ASB11: variants seen among roughly 807,000 people sequenced by gnomAD.
ASB11 encodes ankyrin repeat and SOCS box containing 11.
ASB11 carries 17 observed loss-of-function variants against 20.1 expected under a neutral mutation model. The observed-to-expected ratio is 0.85, with a 90% CI of 0.58 to 1.27. ASB11 has a LOEUF of 1.27. Among genes scored for constraint, ASB11 ranks in the 50% most tolerant of loss-of-function variants. The probability of loss-of-function intolerance (pLI) is 0.00; values close to 1 mark genes in which losing one functional copy is unlikely to be tolerated. For synonymous variants in ASB11, 107 were observed against 105.6 expected (o/e 1.01, Z -0.08); for missense variants, 259 against 256.9 (o/e 1.01, Z -0.06).
chrX:15,304,800 G>A (rs1227200264), intron 1 of ASB11, among the ~76,000 whole-genome samples: 5 of 111,715 alleles, frequency 4.5e-5, no homozygotes, highest in South Asian at 3.7e-4. Flanking sequence ...GCTTGAACCC[G>A]GGAGGCAGAG....
intron 4 of ASB11, among the ~76,000 whole-genome samples, chrX:15,290,652 T>C (rs764932377): frequency 3.5e-4 from 39 of 111,581 alleles, no homozygotes; most frequent in African/African-American, 1.2e-3. Flanking sequence ...TTGCAAAGAG[T>C]TAGTTCTCTT....
At chrX:15,311,727 A>G (rs779968694) in intron 1 of ASB11, among the ~76,000 whole-genome samples, 1 of 111,230 alleles carries the variant, frequency 9.0e-6, no homozygotes, top group Admixed American at 9.6e-5. Flanking sequence ...AGTTCCTCCA[A>G]TTCTGAAAAC....
At chrX:15,298,586 T>C (rs1920991121) in intron 2 of ASB11, among the ~76,000 whole-genome samples, 1 of 111,372 alleles carries the variant, frequency 9.0e-6, no homozygotes, top group Middle Eastern at 4.6e-3. Flanking sequence ...AGAAGCTTAC[T>C]GGTAGCAGCA....
chrX:15,286,006 AAAT>A (rs764406635), intron 6 of ASB11, among the ~76,000 whole-genome samples: 1 of 109,173 alleles, frequency 9.2e-6, no homozygotes. Flanking sequence ...ACTCCGTCTA[AAAT>A]AATAATAATA....
intron 1 of ASB11, among the ~76,000 whole-genome samples, chrX:15,310,033 C>G (rs1235140546): frequency 9.5e-6 from 1 of 104,816 alleles, no homozygotes; most frequent in African/African-American, 3.5e-5. Flanking sequence ...CGAAGTAACT[C>G]TCAAGAAAGT....
In ASB11 at chrX:15,282,942, A is replaced by G. The variant is rs1927222360; in HGVS notation, c.*563T>C. ...ATATTAAGGACTTTGAAAACATTAA[A>G]TATATGAGTGCATGTGTGTGTGTGT... On this transcript the variant is annotated 3_prime_UTR_variant, in exon 7 of 7. Transcript: ENST00000480796. 1 of 105,195 alleles carries G rather than the reference A, an allele frequency of 9.5e-6. No individual in the cohort carries two copies. The highest frequency in any genetic ancestry group is 1.9e-5 in the Non-Finnish European group (1 of 51,894). 8.7% of individuals were successfully genotyped at this position (105,195 alleles called of 1,213,427 possible). A position where few individuals can be genotyped will look rare whatever the true frequency, so the allele number is the denominator to read the frequency against.
intron 1 of ASB11, chrX:15,314,258 C>A: frequency 9.9e-7 from 1 of 1,011,123 alleles, no homozygotes; most frequent in Non-Finnish European, 1.3e-6. Context: ...AAGCCCTTGC[C>A]CAAATTGACA....
rs985711943 is a variant in ASB11 at position 15,281,991 on chromosome X, C to T, written c.*1514G>A. The T allele has an allele frequency of 2.7e-5, 3 of 111,928 alleles. No homozygotes were observed. The highest frequency in any genetic ancestry group is 2.8e-4 in the East Asian group (1 of 3,583). The allele number at this position is 111,928 out of a possible 1,213,427, so 9.2% of individuals were successfully genotyped here. On this transcript the variant is annotated 3_prime_UTR_variant, in exon 7 of 7. Coordinates refer to ENST00000480796, the MANE Select transcript of ASB11 (RefSeq NM_080873.3). The stretch of plus-strand genomic sequence containing the variant: ...GATTACAGGCGTGAGCCACCATGCC[C>T]GGCCAGATCTGATAATTCTTTGTTG...
At chrX:15,286,932 A>ACAC (rs1197361648) in intron 6 of ASB11, among the ~76,000 whole-genome samples, 1 of 112,025 alleles carries the variant, frequency 8.9e-6, no homozygotes, top group East Asian at 2.8e-4. Context: ...TTCTTCAGGC[A>ACAC]CACAAATAAT....
chrX:15,289,323 A>G (rs1029813721), intron 5 of ASB11, among the ~76,000 whole-genome samples, 181 bp downstream of exon 5: 12 of 112,756 alleles, frequency 1.1e-4, no homozygotes, highest in Admixed American at 4.7e-4. Flanking sequence ...TGGAGTTAAC[A>G]TCAAAGGAAG....
chrX:15,297,979 A>G (rs181698059), intron 2 of ASB11, among the ~76,000 whole-genome samples: 25 of 112,758 alleles, frequency 2.2e-4, no homozygotes, highest in African/African-American at 7.1e-4. Context: ...TAAAGACAGC[A>G]TGACAGCCTC....
intron 6 of ASB11, among the ~76,000 whole-genome samples, chrX:15,284,267 A>AGAAAG (rs1330369370): frequency 2.3e-5 from 2 of 88,864 alleles, no homozygotes; most frequent in Admixed American, 1.3e-4. Flanking sequence ...AAAAAAAAAA[A>AGAAAG]AAAGAAAGAA....
intron 1 of ASB11, among the ~76,000 whole-genome samples, chrX:15,313,040 G>GA (rs201248205): frequency 0.025 from 2,795 of 111,245 alleles, 78 homozygotes; most frequent in African/African-American, 0.081. Flanking sequence ...GGTATCAAAA[G>GA]AAAAACACAG....
chrX:15,284,164 A>G (rs1405140767), intron 6 of ASB11, among the ~76,000 whole-genome samples: 2 of 104,325 alleles, frequency 1.9e-5, no homozygotes, highest in African/African-American at 7.2e-5. Context: ...AGGCAGGAGA[A>G]TGGCGTGAAC....
chrX:15,299,971 G>A (rs971175904), intron 2 of ASB11, among the ~76,000 whole-genome samples: 1 of 111,743 alleles, frequency 8.9e-6, no homozygotes, highest in African/African-American at 3.3e-5. Flanking sequence ...TTCATCATAA[G>A]GCCTCTTTTT....
Position 15,282,978 on chromosome X carries a change from G to A in ASB11, c.*527C>T, listed in dbSNP as rs755326107. On this transcript the variant is annotated 3_prime_UTR_variant, in exon 7 of 7. Coordinates refer to ENST00000480796, the MANE Select transcript of ASB11 (RefSeq NM_080873.3). ...CATGTGTGTGTGTGTATATATATAC[G>A]TATATATATATACGTATATGTATGT... 9 of 100,774 alleles carry A rather than the reference G, an allele frequency of 8.9e-5. No homozygotes were observed. The highest frequency in any genetic ancestry group is 4.3e-4 in the South Asian group (1 of 2,312). The allele number at this position is 100,774 out of a possible 1,213,427, so 8.3% of individuals were successfully genotyped here. A position where few individuals can be genotyped will look rare whatever the true frequency, so the allele number is the denominator to read the frequency against.
rs1255419561 is a variant in ASB11 at position 15,282,046 on chromosome X, C to T, written c.*1459G>A. On this transcript the variant is annotated 3_prime_UTR_variant, in exon 7 of 7. Transcript: ENST00000480796. ...CTCCTGTGCACTGTAGGGTGATTAG[C>T]TGCATCCCTGATCTCCACCGTCTAG... The T allele has an allele frequency of 1.8e-5, 2 of 111,285 alleles. No homozygotes were observed. Among genetic ancestry groups the T allele is most frequent in the Non-Finnish European group, 3.8e-5 (2 of 53,064 alleles). 9.2% of individuals were successfully genotyped at this position (111,285 alleles called of 1,213,427 possible).
At chrX:15,307,984 C>G (rs769173856) in intron 1 of ASB11, among the ~76,000 whole-genome samples, 1 of 112,118 alleles carries the variant, frequency 8.9e-6, no homozygotes, top group East Asian at 2.8e-4. Context: ...CAGGGTATGG[C>G]CTTCTCCAGC....
At chrX:15,313,031 G>T (rs954517699) in intron 1 of ASB11, among the ~76,000 whole-genome samples, 2 of 110,418 alleles carry the variant, frequency 1.8e-5, no homozygotes, top group African/African-American at 6.7e-5. Context: ...GTTAACAGTG[G>T]TATCAAAAGA....
Sources: gnomAD v4.1 joint callset for allele counts (sites outside exome capture counted in the v4.1 genomes callset) on GRCh38, gnomAD v4.1.1 for gene constraint, MANE v1.5 for transcripts, NCBI Gene and HGNC (gene_info 2026-07-23, HGNC 2026-07-21) for gene names.